Variants in GABRG1 observed in about 807,000 individuals in gnomAD.
The protein encoded by GABRG1 is gamma-aminobutyric acid type A receptor subunit gamma1.
Under a neutral mutation model 49.8 loss-of-function variants are expected in GABRG1, and 49 were observed. The ratio of observed to expected loss-of-function variants is 0.98; its 90% confidence interval spans 0.78 to 1.25. The LOEUF is 1.25. Among genes scored for constraint, GABRG1 ranks in the 50% most tolerant of loss-of-function variants. GABRG1 has a pLI of 0.00. For missense variants in GABRG1, 552 were observed against 552.3 expected, an observed-to-expected ratio of 1.00 and a Z score of 0.01; for synonymous variants, 232 against 185.1, an observed-to-expected ratio of 1.25 and a Z score of -2.06.
At chr4:46,049,891 A>C (rs1560349078) in intron 8 of GABRG1, among the ~76,000 whole-genome samples, 2 of 151,842 alleles carry the variant, frequency 1.3e-5, no homozygotes, top group Non-Finnish European at 2.9e-5. Context: ...TACCTAAATT[A>C]TTTATTCTTA....
intron 8 of GABRG1, among the ~76,000 whole-genome samples, chr4:46,047,420 A>G (rs1199906200): frequency 3.3e-5 from 5 of 152,084 alleles, no homozygotes; most frequent in Non-Finnish European, 7.4e-5. Flanking sequence ...CCAAACTTCC[A>G]TCAGTTTATA....
At chr4:46,076,925 G>T (rs1296217728) in intron 3 of GABRG1, among the ~76,000 whole-genome samples, 1 of 151,442 alleles carries the variant, frequency 6.6e-6, no homozygotes, top group Non-Finnish European at 1.5e-5. Context: ...AATAATAATG[G>T]TGGCTAAAAT....
intron 1 of GABRG1, among the ~76,000 whole-genome samples, chr4:46,101,012 A>T (rs1720362670): frequency 6.6e-6 from 1 of 151,640 alleles, no homozygotes; most frequent in South Asian, 2.1e-4. Flanking sequence ...AAAGTACTTC[A>T]TAATTTTAAA....
At chr4:46,059,181 T>C (rs934202690) in intron 5 of GABRG1, among the ~76,000 whole-genome samples, 2 of 152,174 alleles carry the variant, frequency 1.3e-5, no homozygotes, top group Non-Finnish European at 2.9e-5. Context: ...TTATCTATTA[T>C]ACTGTTTTAG....
intron 6 of GABRG1, 35 bp from the exon 7 acceptor site, chr4:46,058,404 A>G (rs754712499): frequency 6.3e-7 from 1 of 1,597,916 alleles, no homozygotes; most frequent in East Asian, 2.2e-5. Context: ...TGGCTATATA[A>G]TATAAATCAC....
chr4:46,105,064 C>A (rs1186122160), intron 1 of GABRG1, among the ~76,000 whole-genome samples: 1 of 151,300 alleles, frequency 6.6e-6, no homozygotes, highest in African/African-American at 2.4e-5. Flanking sequence ...TTTCAGAAAT[C>A]AACCAAAAGT....
intron 3 of GABRG1, 21 bp from the exon 4 acceptor site, chr4:46,065,605 C>A (rs1477936599): frequency 2.8e-6 from 3 of 1,076,194 alleles, no homozygotes; most frequent in Non-Finnish European, 4.2e-6. Context: ...AGAAGAGTAA[C>A]AACATATTAG....
At chr4:46,117,645 CATATATAT>C (rs1186433716) in intron 1 of GABRG1, among the ~76,000 whole-genome samples, 2 of 130,926 alleles carry the variant, frequency 1.5e-5, no homozygotes, top group Non-Finnish European at 1.7e-5. Flanking sequence ...TACATATATA[CATATATAT>C]GTATATACGT....
rs73241861 is a variant in GABRG1 at position 46,075,209 on chromosome 4, C to T, written c.321+8777G>A. Among the ~76,000 whole-genome samples the T allele has an allele frequency of 2.2e-3, 329 of 152,006 alleles. 1 individual carries two copies. Among genetic ancestry groups the T allele is most frequent in the Non-Finnish European group, 3.5e-3 (240 of 67,976 alleles). The stretch of plus-strand genomic sequence containing the variant: ...ATTGTTTACTTTCCTTTAATCCTAC[C>T]TAATCCCTACTAAATTTATAGGTGA... On this transcript the variant is annotated intron_variant, in intron 3 of 8. Coordinates refer to ENST00000295452, the MANE Select transcript of GABRG1 (RefSeq NM_173536.4).
intron 8 of GABRG1, among the ~76,000 whole-genome samples, chr4:46,051,035 A>G (rs1052546240): frequency 6.6e-6 from 1 of 151,898 alleles, no homozygotes; most frequent in Non-Finnish European, 1.5e-5. Flanking sequence ...TGTGGTCATC[A>G]CTTTTAAACA....
At chr4:46,094,381 C>A (rs1720101710) in intron 2 of GABRG1, among the ~76,000 whole-genome samples, 1 of 151,966 alleles carries the variant, frequency 6.6e-6, no homozygotes, top group Non-Finnish European at 1.5e-5. Context: ...GTGGGCACAG[C>A]AGCCTGAAAT....
At chr4:46,080,895 T>C (rs1242900341) in intron 3 of GABRG1, among the ~76,000 whole-genome samples, 1 of 151,878 alleles carries the variant, frequency 6.6e-6, no homozygotes, top group Non-Finnish European at 1.5e-5. Flanking sequence ...TATAACATTT[T>C]AGCAATGTAC....
At chr4:46,073,303 A>C (rs1447934406) in intron 3 of GABRG1, among the ~76,000 whole-genome samples, 1 of 151,882 alleles carries the variant, frequency 6.6e-6, no homozygotes, top group African/African-American at 2.4e-5. Context: ...CCCTCATTTT[A>C]ATTGAGATAC....
At chr4:46,105,830 T>TAGATAGAC (rs948226985) in intron 1 of GABRG1, among the ~76,000 whole-genome samples, 43 of 151,190 alleles carry the variant, frequency 2.8e-4, no homozygotes, top group African/African-American at 1.0e-3. Context: ...GATAGATAGA[T>TAGATAGAC]AGATGATAGA....
chr4:46,116,306 G>A (rs1321004458), intron 1 of GABRG1, among the ~76,000 whole-genome samples: 1 of 150,686 alleles, frequency 6.6e-6, no homozygotes, highest in Non-Finnish European at 1.5e-5. Context: ...ACACTGAATA[G>A]ACAATATATT....
At position 46,123,822 on chromosome 4, in the gene GABRG1, T is replaced by G; in HGVS notation, c.92A>C (p.His31Pro). Residue 31 changes from histidine (H) to proline (P), a missense_variant, in exon 1 of 9, where the codon CAT becomes CCT. Physicochemically the swap from His to Pro is moderately conservative, Grantham distance 77. Transcript: ENST00000295452. Reference protein sequence around the residue: ...VRLVFLLLTLHLGNCVDKADD... With the variant: ...VRLVFLLLTLPLGNCVDKADD... ...TGAATTTACTCACCAGTTTCCCAAA[T>G]GCAGGGTCAGTAACAAGAAGACCAA... 1 of 1,613,104 alleles carries G rather than the reference T, an allele frequency of 6.2e-7. No individual in the cohort carries two copies. Among genetic ancestry groups the G allele is most frequent in the Middle Eastern group, 1.7e-4 (1 of 6,050 alleles).
chr4:46,056,124 G>GAAAAAAAAAAAA (rs1169065450), intron 7 of GABRG1, among the ~76,000 whole-genome samples: 2 of 7,640 alleles, frequency 2.6e-4, no homozygotes, highest in African/African-American at 8.2e-4. Context: ...AAAAAGAAAG[G>GAAAAAAAAAAAA]AAAAAAAAAA....
chr4:46,104,128 A>G (rs549302698), intron 1 of GABRG1, among the ~76,000 whole-genome samples: 16 of 151,560 alleles, frequency 1.1e-4, no homozygotes, highest in African/African-American at 2.9e-4. Context: ...AAAATTTCAT[A>G]TAATTATTAT....
rs538200110 is a variant in GABRG1 at position 46,079,264 on chromosome 4, T to G, written c.321+4722A>C. Among the ~76,000 whole-genome samples, 6 of 151,958 alleles carry G rather than the reference T, an allele frequency of 3.9e-5. No individual in the cohort carries two copies. In the South Asian group the frequency reaches 8.3e-4, roughly 21 times the overall value. ...AGTCCTCTCCAGCATGCACTTATTTTGAAGTATAGCCCAGGTGACTTCCCA... is the reference window on the plus strand; with the variant it reads ...AGTCCTCTCCAGCATGCACTTATTTGGAAGTATAGCCCAGGTGACTTCCCA... On this transcript the variant is annotated intron_variant, in intron 3 of 8. Coordinates refer to ENST00000295452, the MANE Select transcript of GABRG1 (RefSeq NM_173536.4).
Sources: allele counts gnomAD v4.1 joint callset (sites outside exome capture counted in the v4.1 genomes callset), GRCh38; gene constraint gnomAD v4.1.1; transcripts MANE v1.5; gene names NCBI Gene and HGNC (gene_info 2026-07-23, HGNC 2026-07-21).